MEI4: variants seen among roughly 807,000 people sequenced by gnomAD.
MEI4 encodes meiosis-specific protein MEI4.
Under a neutral mutation model 31.4 loss-of-function variants are expected in MEI4, and 27 were observed. That is an observed-to-expected ratio of 0.86 (90% CI 0.63 to 1.19). The LOEUF (loss-of-function observed/expected upper bound fraction) is 1.19, where lower values mean the gene tolerates loss of function less well. Among genes scored for constraint, MEI4 ranks in the 50% most tolerant of loss-of-function variants. The pLI, the probability that MEI4 is intolerant of heterozygous loss-of-function variation, is 0.00. For synonymous variants in MEI4, 122 were observed against 145.4 expected (o/e 0.84, Z 1.16); for missense variants, 329 against 398.9 (o/e 0.82, Z 1.49).
chr6:77,791,956 C>T (rs1768949304), intron 3 of MEI4, among the ~76,000 whole-genome samples: 1 of 152,180 alleles, frequency 6.6e-6, no homozygotes, highest in African/African-American at 2.4e-5. Context: ...CTCACTACCT[C>T]AACCCTGCAC....
intron 3 of MEI4, among the ~76,000 whole-genome samples, chr6:77,770,219 C>T (rs1768278749): frequency 6.6e-6 from 1 of 151,806 alleles, no homozygotes; most frequent in African/African-American, 2.4e-5. Context: ...ATTGGAAAAC[C>T]TAGAAGAATT....
At chr6:77,822,103 CCTCT>C (rs1769840742) in intron 3 of MEI4, among the ~76,000 whole-genome samples, 1 of 151,926 alleles carries the variant, frequency 6.6e-6, no homozygotes, top group Non-Finnish European at 1.5e-5. Flanking sequence ...CCATTGAGGA[CCTCT>C]CTTTCTTTCT....
intron 1 of MEI4, among the ~76,000 whole-genome samples, chr6:77,675,350 CA>C (rs1289771594): frequency 1.3e-5 from 2 of 152,000 alleles, no homozygotes; most frequent in African/African-American, 4.8e-5. Flanking sequence ...GTGATGTCTT[CA>C]ATGAACACAA....
chr6:77,771,255 CTGAA>C, intron 3 of MEI4, among the ~76,000 whole-genome samples: 1 of 152,002 alleles, frequency 6.6e-6, no homozygotes, highest in East Asian at 1.9e-4. Context: ...CTCAACCAGT[CTGAA>C]TGGCTGTTAT....
chr6:77,832,011 A>T (rs1054311327), intron 4 of MEI4, among the ~76,000 whole-genome samples: 1 of 152,048 alleles, frequency 6.6e-6, no homozygotes, highest in African/African-American at 2.4e-5. Context: ...GTATACATGT[A>T]TGAAAATATC....
chr6:77,751,926 C>G (rs1311346601), intron 2 of MEI4, among the ~76,000 whole-genome samples: 1 of 152,162 alleles, frequency 6.6e-6, no homozygotes, highest in African/African-American at 2.4e-5. Flanking sequence ...CCACCATGAT[C>G]AAGTCGGCTT....
intron 3 of MEI4, among the ~76,000 whole-genome samples, chr6:77,827,229 G>T (rs940324627): frequency 6.6e-6 from 1 of 151,598 alleles, no homozygotes; most frequent in Non-Finnish European, 1.5e-5. Context: ...GTGTGGTGGC[G>T]GGTGCCTGTA....
At chr6:77,911,253 A>C (rs1204005829) in intron 4 of MEI4, among the ~76,000 whole-genome samples, 1 of 152,044 alleles carries the variant, frequency 6.6e-6, no homozygotes, top group Non-Finnish European at 1.5e-5. Flanking sequence ...TTTGCTATGC[A>C]GAATCTTCTT....
chr6:77,663,337 A>C (rs974111712), intron 1 of MEI4, among the ~76,000 whole-genome samples: 2 of 151,834 alleles, frequency 1.3e-5, no homozygotes, highest in African/African-American at 4.8e-5. Flanking sequence ...GGTTTTAATG[A>C]GATGGTAAGG....
intron 1 of MEI4, among the ~76,000 whole-genome samples, chr6:77,663,391 C>G (rs1207139387): frequency 6.6e-6 from 1 of 151,622 alleles, no homozygotes; most frequent in African/African-American, 2.4e-5. Flanking sequence ...GTGTCCTATA[C>G]TTGTGGGTTA....
rs548788325 is a variant in MEI4, at chr6:77,757,203, G to C, written c.233-3927G>C. On this transcript the variant is annotated intron_variant, in intron 2 of 4. Transcript: ENST00000684080. ...AATATCAGTTGAATTGTTTGATGAAGCTAGTTTGTATAATAAAATATGAAT... is the reference window on the plus strand; with the variant it reads ...AATATCAGTTGAATTGTTTGATGAACCTAGTTTGTATAATAAAATATGAAT... 2.6e-5 allele frequency among the ~76,000 whole-genome samples: 4 copies of C among 152,282 alleles called. No homozygotes were observed. The South Asian group carries it at 8.3e-4, about 32-fold the overall frequency.
intron 3 of MEI4, among the ~76,000 whole-genome samples, chr6:77,816,921 T>C: frequency 6.6e-6 from 1 of 152,180 alleles, no homozygotes; most frequent in Non-Finnish European, 1.5e-5. Context: ...CGCAATGTTG[T>C]ATCTGTTAAG....
intron 4 of MEI4, among the ~76,000 whole-genome samples, chr6:77,864,044 A>G (rs1447621440): frequency 3.3e-5 from 5 of 152,310 alleles, no homozygotes; most frequent in Admixed American, 2.6e-4. Flanking sequence ...AGATTTTGTC[A>G]CCACCAGGCC....
intron 2 of MEI4, among the ~76,000 whole-genome samples, chr6:77,710,328 C>G (rs941670775): frequency 6.6e-6 from 1 of 151,800 alleles, no homozygotes; most frequent in African/African-American, 2.4e-5. Context: ...TCAAGACCAT[C>G]CTGGCCAACG....
rs565982459 is a variant in MEI4 at position 77,734,146 on chromosome 6, G to A, written c.233-26984G>A. On this transcript the variant is annotated intron_variant, in intron 2 of 4. Coordinates refer to ENST00000684080, the MANE Select transcript of MEI4 (RefSeq NM_001322247.2). ...AGTTCTGTAGATGTCTATTAGGTCC[G>A]CTTGGTGCAGAGCTGAGTTCAATTC... Among the ~76,000 whole-genome samples, 386 of 152,006 alleles carry A rather than the reference G, an allele frequency of 2.5e-3. 5 individuals carry two copies. The highest frequency in any genetic ancestry group is 8.1e-3 in the African/African-American group (334 of 41,350).
chr6:77,851,184 T>C (rs2127718279), intron 4 of MEI4, among the ~76,000 whole-genome samples: 1 of 152,304 alleles, frequency 6.6e-6, no homozygotes, highest in South Asian at 2.1e-4. Flanking sequence ...TTTACACTGT[T>C]GGTGGGACTG....
chr6:77,766,275 G>C (rs1382318768), intron 3 of MEI4, among the ~76,000 whole-genome samples: 1 of 152,092 alleles, frequency 6.6e-6, no homozygotes, highest in Non-Finnish European at 1.5e-5. Context: ...GTGCTATGTT[G>C]CATCTCTGAT....
At chr6:77,827,989 T>C (rs910243120) in intron 3 of MEI4, among the ~76,000 whole-genome samples, 8 of 152,060 alleles carry the variant, frequency 5.3e-5, no homozygotes, top group Non-Finnish European at 8.8e-5. Flanking sequence ...ATATTTTATT[T>C]ATAGTATTTA....
chr6:77,777,583 A>T (rs1405124201), intron 3 of MEI4, among the ~76,000 whole-genome samples: 7 of 152,188 alleles, frequency 4.6e-5, no homozygotes, highest in Admixed American at 1.3e-4. Flanking sequence ...AAAGGAAAAA[A>T]GAGCAGCCAA....
Sources: gnomAD v4.1 joint callset for allele counts (sites outside exome capture counted in the v4.1 genomes callset) on GRCh38, gnomAD v4.1.1 for gene constraint, MANE v1.5 for transcripts, NCBI Gene and HGNC (gene_info 2026-07-23, HGNC 2026-07-21) for gene names.